Variants in PLD5 observed in about 807,000 individuals in gnomAD.
PLD5 encodes the protein inactive phospholipase D5.
PLD5 carries 36 observed loss-of-function variants against 61.1 expected under a neutral mutation model. The observed-to-expected ratio is 0.59, with a 90% CI of 0.45 to 0.78. The LOEUF (loss-of-function observed/expected upper bound fraction) is 0.78. PLD5 is among the 30% of genes least tolerant of loss of function. The pLI is 0.00. For missense variants in PLD5, 515 were observed against 644.4 expected (o/e 0.80, Z 2.17); for synonymous variants, 243 against 242.8 (o/e 1.00, Z -0.01).
chr1:242,279,228 CTG>C (rs1357324981), intron 3 of PLD5, among the ~76,000 whole-genome samples: 1 of 152,196 alleles, frequency 6.6e-6, no homozygotes, highest in East Asian at 1.9e-4. Context: ...GGTTGACAAA[CTG>C]GGGTAGGGAC....
intron 4 of PLD5, among the ~76,000 whole-genome samples, chr1:242,243,976 G>T (rs1672216079): frequency 6.6e-6 from 1 of 152,152 alleles, no homozygotes; most frequent in Non-Finnish European, 1.5e-5. Context: ...GGATCAAAAT[G>T]ATTTAGAAGG....
intron 9 of PLD5, 146 bp downstream of exon 9, chr1:242,100,522 C>T: frequency 1.6e-6 from 1 of 625,116 alleles, no homozygotes. Context: ...TCCTTACCGT[C>T]CTGTTTCCTC....
rs1388660063 is a variant in PLD5 at position 242,266,113 on chromosome 1, T to C, written c.496-665A>G. Among the ~76,000 whole-genome samples the C allele has an allele frequency of 3.9e-5, 6 of 152,362 alleles. No individual in the cohort carries two copies. The East Asian group carries it at 1.2e-3, about 29-fold the overall frequency. ...TTTTTCAGCCAGGCATGGTGGTTCA[T>C]GCCTCTAATCCCAGAACTTTGGGAG... On this transcript the variant is annotated intron_variant, in intron 3 of 9. Coordinates refer to ENST00000536534, the MANE Select transcript of PLD5 (RefSeq NM_001372062.1).
chr1:242,397,519 A>G (rs1368706972), intron 1 of PLD5, among the ~76,000 whole-genome samples: 1 of 149,694 alleles, frequency 6.7e-6, no homozygotes, highest in East Asian at 1.9e-4. Flanking sequence ...GATTAAAAAA[A>G]CTAAGAACAG....
intron 1 of PLD5, among the ~76,000 whole-genome samples, chr1:242,490,940 AG>A (rs528125110): frequency 4.3e-4 from 66 of 152,300 alleles, no homozygotes; most frequent in African/African-American, 1.5e-3. Context: ...TTGAATAACA[AG>A]GCTTAGCAGG....
At chr1:242,128,619 A>G (rs947080798) in intron 5 of PLD5, among the ~76,000 whole-genome samples, 6 of 152,220 alleles carry the variant, frequency 3.9e-5, no homozygotes, top group Non-Finnish European at 7.3e-5. Context: ...GCTCTTCAAT[A>G]TGATAGGATG....
intron 1 of PLD5, among the ~76,000 whole-genome samples, chr1:242,403,748 C>T (rs1160815678): frequency 6.6e-6 from 1 of 152,080 alleles, no homozygotes; most frequent in African/African-American, 2.4e-5. Context: ...TGAGAGGCCT[C>T]CCACATGTCT....
At chr1:242,303,522 G>A (rs1200001066) in intron 2 of PLD5, among the ~76,000 whole-genome samples, 10 of 152,200 alleles carry the variant, frequency 6.6e-5, no homozygotes, top group Non-Finnish European at 2.9e-5. Flanking sequence ...TTGCCTTAGG[G>A]CCTCCGAACT....
At chr1:242,295,222 GATCTC>G (rs1039437653) in intron 2 of PLD5, among the ~76,000 whole-genome samples, 2 of 152,062 alleles carry the variant, frequency 1.3e-5, no homozygotes, top group African/African-American at 4.8e-5. Flanking sequence ...GGCTTCTAGT[GATCTC>G]ATCACCCAAA....
chr1:242,190,250 A>T (rs1404258840), intron 5 of PLD5, among the ~76,000 whole-genome samples: 4 of 138,674 alleles, frequency 2.9e-5, no homozygotes, highest in Non-Finnish European at 3.0e-5. Context: ...GGTTCACGCC[A>T]TTCTCCTATC....
At chr1:242,090,190 T>C in intron 9 of PLD5, 80 bp from the exon 10 acceptor site, 2 of 1,533,188 alleles carry the variant, frequency 1.3e-6, no homozygotes, top group African/African-American at 1.4e-5. Flanking sequence ...TCAGAGTGGA[T>C]TCTATTAAAA....
At chr1:242,121,009 T>C (rs1662315289) in intron 6 of PLD5, among the ~76,000 whole-genome samples, 2 of 152,204 alleles carry the variant, frequency 1.3e-5, no homozygotes, top group South Asian at 4.1e-4. Context: ...GTTATTAAGG[T>C]CTTCAAATAC....
At chr1:242,438,668 C>T (rs1177678106) in intron 1 of PLD5, among the ~76,000 whole-genome samples, 2 of 152,104 alleles carry the variant, frequency 1.3e-5, no homozygotes, top group African/African-American at 4.8e-5. Context: ...TGGTCTCGAA[C>T]TCCTGACCTC....
intron 1 of PLD5, among the ~76,000 whole-genome samples, chr1:242,398,073 G>T (rs2149275359): frequency 6.6e-6 from 1 of 152,246 alleles, no homozygotes; most frequent in East Asian, 1.9e-4. Context: ...ATTGCAGAAA[G>T]CAAAGATAGA....
At chr1:242,458,427 C>A (rs150743168) in intron 1 of PLD5, among the ~76,000 whole-genome samples, 1 of 152,220 alleles carries the variant, frequency 6.6e-6, no homozygotes, top group Non-Finnish European at 1.5e-5. Flanking sequence ...TTATATTGTA[C>A]ATTTAACTCC....
At chr1:242,244,967 T>C (rs1672273558) in intron 4 of PLD5, among the ~76,000 whole-genome samples, 2 of 152,232 alleles carry the variant, frequency 1.3e-5, no homozygotes, top group Admixed American at 1.3e-4. Context: ...GAAATGTTAT[T>C]GAGTTATTTT....
chr1:242,432,404 A>G (rs1419368755), intron 1 of PLD5, among the ~76,000 whole-genome samples: 9 of 152,130 alleles, frequency 5.9e-5, no homozygotes, highest in Non-Finnish European at 1.0e-4. Flanking sequence ...CGTAGGGGAC[A>G]CTCCTTGTGA....
Position 242,473,347 on chromosome 1 carries a change from G to A in PLD5, c.189+50741C>T, listed in dbSNP as rs569661460. ...TGAAGTATGTCCTTGAGTAAATCAA[G>A]AGCACTCCATTTTGGTTCAATTTCC... On this transcript the variant is annotated intron_variant, in intron 1 of 9. Coordinates refer to ENST00000536534, the MANE Select transcript of PLD5 (RefSeq NM_001372062.1). Among the ~76,000 whole-genome samples, 8 of 152,284 alleles carry A rather than the reference G, an allele frequency of 5.3e-5. No individual in the cohort carries two copies. In the South Asian group the frequency reaches 1.7e-3, roughly 32 times the overall value.
chr1:242,125,973 A>G (rs1662752959), intron 5 of PLD5, among the ~76,000 whole-genome samples: 2 of 152,192 alleles, frequency 1.3e-5, no homozygotes, highest in South Asian at 2.1e-4. Flanking sequence ...AAATAAAACA[A>G]TGAGCATCCT....
Sources: allele counts gnomAD v4.1 joint callset (sites outside exome capture counted in the v4.1 genomes callset), GRCh38; gene constraint gnomAD v4.1.1; transcripts MANE v1.5; gene names NCBI Gene and HGNC (gene_info 2026-07-23, HGNC 2026-07-21).